TBC1D1: variants seen among roughly 807,000 people sequenced by gnomAD.
The protein encoded by TBC1D1 is TBC1 (tre-2/USP6, BUB2, cdc16) domain family, member 1.
Under a neutral mutation model 125.6 loss-of-function variants are expected in TBC1D1, and 89 were observed. The observed-to-expected ratio is 0.71, with a 90% confidence interval of 0.60 to 0.85. TBC1D1 has a LOEUF of 0.85. Ranked by LOEUF, TBC1D1 falls within the 40% of genes least tolerant of loss-of-function variation. The probability of loss-of-function intolerance (pLI) is 0.00; values close to 1 mark genes in which losing one functional copy is unlikely to be tolerated. For missense variants in TBC1D1, 1,377 were observed against 1,469.2 expected, an observed-to-expected ratio of 0.94 and a Z score of 1.03; for synonymous variants, 565 against 564.1, an observed-to-expected ratio of 1.00 and a Z score of -0.02.
At chr4:37,960,042 A>G (rs1729672586) in intron 2 of TBC1D1, among the ~76,000 whole-genome samples, 1 of 152,268 alleles carries the variant, frequency 6.6e-6, no homozygotes, top group Non-Finnish European at 1.5e-5. Flanking sequence ...AATGTATGCA[A>G]AAGTACATTA....
intron 2 of TBC1D1, among the ~76,000 whole-genome samples, chr4:37,918,530 C>G (rs1423799546): frequency 6.6e-6 from 1 of 151,932 alleles, no homozygotes; most frequent in Non-Finnish European, 1.5e-5. Flanking sequence ...TCACTGCAAC[C>G]TCTGCCTCCC....
intron 17 of TBC1D1, 69 bp downstream of exon 19, chr4:38,118,261 T>G: frequency 6.5e-7 from 1 of 1,542,510 alleles, no homozygotes; most frequent in Non-Finnish European, 8.9e-7. Context: ...TTCCTGTCTC[T>G]CCGTGGTGAT....
chr4:38,085,654 C>G (rs1045656147), intron 12 of TBC1D1, among the ~76,000 whole-genome samples: 3 of 152,186 alleles, frequency 2.0e-5, no homozygotes, highest in Non-Finnish European at 2.9e-5. Flanking sequence ...GTGCAGCTGT[C>G]TCTCAGCAAG....
Position 38,115,931 on chromosome 4 carries a change from C to G in TBC1D1, c.2779C>G (p.Arg927Gly), listed in dbSNP as rs780900876. 1.2e-6 allele frequency: 2 copies of G among 1,614,138 alleles called. No individual in the cohort carries two copies. ...TGACATGGGGCTGCGGAAACAGTAT[C>G]GGCCAGACATGATTATTTTACAGGT... is the stretch of plus-strand genomic sequence containing the variant. Residue 927 changes from arginine (R) to glycine (G), a missense_variant, in exon 16 of 20, where the codon CGG becomes GGG. This residue lies in a region of TBC1D1 where 543 missense variants were observed against 613.5 expected (regional missense o/e 0.89). Transcript: ENST00000261439.
chr4:38,087,182 G>A (rs1757629520), intron 12 of TBC1D1, among the ~76,000 whole-genome samples: 1 of 152,200 alleles, frequency 6.6e-6, no homozygotes, highest in Non-Finnish European at 1.5e-5. Context: ...GAAAACATTA[G>A]GGAGACAGCT....
In TBC1D1 at chr4:37,993,464, A is replaced by G. The variant is rs544785233; in HGVS notation, c.418-21045A>G. On this transcript the variant is annotated intron_variant, in intron 2 of 19. Coordinates refer to ENST00000261439, the MANE Select transcript of TBC1D1 (RefSeq NM_015173.4). ...TCAGAGACTACAATTCCCACTTGGT[A>G]GATGGAGTTCTTGTTCCTGCATTGT... is the stretch of plus-strand genomic sequence containing the variant. Among the ~76,000 whole-genome samples the G allele has an allele frequency of 5.9e-5, 9 of 152,308 alleles. 1 individual carries two copies. In the South Asian group the frequency reaches 1.9e-3, roughly 32 times the overall value.
chr4:37,902,146 C>A lies in TBC1D1; in HGVS notation c.51C>A (p.Val17=). Residue 17 remains valine, a synonymous_variant, in exon 2 of 20, where the codon GTC becomes GTA. Coordinates refer to ENST00000261439, the MANE Select transcript of TBC1D1 (RefSeq NM_015173.4). ...GGAAACATCTGCTTTCTAACGAGGTCTCGGTGGATTTTGGCCTGCAGCTGG... is the reference window on the plus strand; with the variant it reads ...GGAAACATCTGCTTTCTAACGAGGTATCGGTGGATTTTGGCCTGCAGCTGG... 6.2e-7 allele frequency: 1 copy of A among 1,612,828 alleles called. No homozygotes were observed. Among genetic ancestry groups the A allele is most frequent in the Non-Finnish European group, 8.5e-7 (1 of 1,179,556 alleles).
intron 4 of TBC1D1, 108 bp from the exon 5 acceptor site, chr4:38,020,478 CAAAAA>C: frequency 1.2e-6 from 1 of 846,858 alleles, no homozygotes; most frequent in Non-Finnish European, 1.8e-6. Context: ...AATTCCATCT[CAAAAA>C]GATAATAAAA....
At chr4:38,052,299 CAG>C (rs1412733814) in intron 11 of TBC1D1, among the ~76,000 whole-genome samples, 3 of 150,878 alleles carry the variant, frequency 2.0e-5, no homozygotes, top group Non-Finnish European at 4.4e-5. Context: ...ATTATGAAAA[CAG>C]ATCTTAATGG....
intron 2 of TBC1D1, among the ~76,000 whole-genome samples, chr4:37,967,648 A>G (rs1731314564): frequency 1.3e-5 from 2 of 152,288 alleles, no homozygotes; most frequent in South Asian, 4.1e-4. Flanking sequence ...TTTATTCACT[A>G]ATAGATTTGA....
At chr4:37,994,381 C>G (rs2152393523) in intron 2 of TBC1D1, among the ~76,000 whole-genome samples, 1 of 152,256 alleles carries the variant, frequency 6.6e-6, no homozygotes, top group Admixed American at 6.5e-5. Flanking sequence ...CCTTAAACTC[C>G]CAGGCTCAAG....
intron 2 of TBC1D1, among the ~76,000 whole-genome samples, chr4:37,947,037 A>T (rs1189288371): frequency 6.6e-6 from 1 of 152,240 alleles, no homozygotes; most frequent in Non-Finnish European, 1.5e-5. Context: ...CGGATGATGA[A>T]CATAGCACTG....
chr4:38,092,421 C>G (rs1167548658), intron 13 of TBC1D1, among the ~76,000 whole-genome samples: 1 of 152,060 alleles, frequency 6.6e-6, no homozygotes, highest in Non-Finnish European at 1.5e-5. Flanking sequence ...AACATTTAAG[C>G]AAGATTAATA....
intron 8 of TBC1D1, among the ~76,000 whole-genome samples, chr4:38,042,093 T>C (rs142037107): frequency 0.018 from 2,661 of 151,772 alleles, 42 homozygotes; most frequent in South Asian, 0.056. Context: ...TGAGAATCAC[T>C]TGAGCCCAGG....
chr4:37,988,002 C>T (rs1735801621), intron 2 of TBC1D1, among the ~76,000 whole-genome samples: 1 of 152,172 alleles, frequency 6.6e-6, no homozygotes, highest in African/African-American at 2.4e-5. Context: ...GTGCAGGTCC[C>T]AGTGTGCTCT....
chr4:38,075,413 G>A (rs961790782), intron 12 of TBC1D1, among the ~76,000 whole-genome samples: 1 of 152,130 alleles, frequency 6.6e-6, no homozygotes, highest in African/African-American at 2.4e-5. Flanking sequence ...ATTTCTTTCA[G>A]GATATGGGCC....
chr4:38,007,691 G>C (rs1291847786), intron 2 of TBC1D1, among the ~76,000 whole-genome samples: 1 of 152,138 alleles, frequency 6.6e-6, no homozygotes, highest in Non-Finnish European at 1.5e-5. Flanking sequence ...TATTCCCTCT[G>C]TCTAGACAGA....
intron 2 of TBC1D1, chr4:37,960,296 A>G (rs937192939): frequency 3.8e-6 from 3 of 787,986 alleles, no homozygotes; most frequent in Non-Finnish European, 6.0e-6. Context: ...ATATGAGTTC[A>G]TGCTAACTCT....
intron 17 of TBC1D1, among the ~76,000 whole-genome samples, chr4:38,120,960 A>C (rs55661451): frequency 0.039 from 5,993 of 152,222 alleles, 391 homozygotes; most frequent in African/African-American, 0.14. Flanking sequence ...GGAGTATAAA[A>C]ACTAAGGGTT....
Sources: gnomAD v4.1 joint callset for allele counts (sites outside exome capture counted in the v4.1 genomes callset) on GRCh38, gnomAD v4.1.1 for gene constraint, gnomAD v4.1.1 regional missense constraint, MANE v1.5 for transcripts, NCBI Gene and HGNC (gene_info 2026-07-23, HGNC 2026-07-21) for gene names.